Variants in PCGF5 observed in about 807,000 individuals in gnomAD.
PCGF5 encodes the protein polycomb group RING finger protein 5.
Under a neutral mutation model 44.3 loss-of-function variants are expected in PCGF5, and 9 were observed. That is an observed-to-expected ratio of 0.20 (90% confidence interval 0.12 to 0.35). The LOEUF (loss-of-function observed/expected upper bound fraction) is 0.35. PCGF5 is among the 10% of genes least tolerant of loss of function. The pLI, the probability that PCGF5 is intolerant of heterozygous loss-of-function variation, is 1.00. For synonymous variants in PCGF5, 95 were observed against 102.5 expected, an observed-to-expected ratio of 0.93 and a Z score of 0.44; for missense variants, 146 against 305.3, an observed-to-expected ratio of 0.48 and a Z score of 3.89.
At chr10:91,250,497 C>A (rs77068316) in intron 5 of PCGF5, among the ~76,000 whole-genome samples, 1 of 132,114 alleles carries the variant, frequency 7.6e-6, no homozygotes, top group Admixed American at 7.6e-5. Flanking sequence ...CTGGTTTTTT[C>A]TTTTTTTTTT....
At chr10:91,208,602 C>T (rs763661437) in intron 1 of PCGF5, among the ~76,000 whole-genome samples, 5 of 152,090 alleles carry the variant, frequency 3.3e-5, no homozygotes, top group Non-Finnish European at 7.4e-5. Context: ...GAAAAATTCA[C>T]CTCATTATCA....
At chr10:91,217,850 G>A (rs1055692821), upstream of PCGF5, among the ~76,000 whole-genome samples, 3 of 152,138 alleles carry the variant, frequency 2.0e-5, no homozygotes, top group East Asian at 1.9e-4. Flanking sequence ...GCAATGGCGC[G>A]ATCTTGGCTC....
Position 91,283,443 on chromosome 10 carries a change from T to G in PCGF5, c.*5127T>G, listed in dbSNP as rs1846500872. On this transcript the variant is annotated 3_prime_UTR_variant, in exon 10 of 10. Coordinates refer to ENST00000336126, the MANE Select transcript of PCGF5 (RefSeq NM_032373.5). ...ATGTTAAATACTGAGTCTAGTTTTC[T>G]TCCATCTTATGGAGCTTCATGGAAT... 1 of 152,226 alleles carries G rather than the reference T, an allele frequency of 6.6e-6. No homozygotes were observed. The highest frequency in any genetic ancestry group is 2.4e-5 in the African/African-American group (1 of 41,462). 9.4% of individuals were successfully genotyped at this position (152,226 alleles called of 1,614,324 possible). A position where few individuals can be genotyped will look rare whatever the true frequency, so the allele number is the denominator to read the frequency against.
intron 2 of PCGF5, among the ~76,000 whole-genome samples, chr10:91,233,907 AG>A (rs1845080278): frequency 6.6e-6 from 1 of 152,256 alleles, no homozygotes; most frequent in East Asian, 1.9e-4. Flanking sequence ...GCCTTTGGTC[AG>A]TTTTAATAAA....
At chr10:91,249,856 A>G (rs564387098) in intron 5 of PCGF5, among the ~76,000 whole-genome samples, 7 of 152,046 alleles carry the variant, frequency 4.6e-5, no homozygotes, top group Non-Finnish European at 7.4e-5. Context: ...CCACGTGTAC[A>G]CTGCAATTAA....
chr10:91,235,740 TAA>T (rs1845143246), intron 2 of PCGF5, among the ~76,000 whole-genome samples: 1 of 152,322 alleles, frequency 6.6e-6, no homozygotes, highest in South Asian at 2.1e-4. Flanking sequence ...CTGGTGGTTT[TAA>T]AAAGAGGAGT....
intron 8 of PCGF5, among the ~76,000 whole-genome samples, chr10:91,267,802 A>G (rs181983822): frequency 6.6e-6 from 1 of 152,316 alleles, no homozygotes; most frequent in East Asian, 1.9e-4. Flanking sequence ...AGATGCCAGG[A>G]TGTCTGAAGA....
chr10:91,227,672 C>T, intron 2 of PCGF5: 2 of 1,069,886 alleles, frequency 1.9e-6, no homozygotes, highest in Non-Finnish European at 2.3e-6. Context: ...TCACTCTTAA[C>T]CCACCCTAAA....
rs1006513887 is a variant in PCGF5, at chr10:91,186,558, ATG to A, written c.-184+23489_-184+23490del. ...TGTGTGTGTGTATATATATATATAT[ATG>A]TGTGTGTGTGTATATATATGTGTGT... On this transcript the variant is annotated intron_variant, in intron 1 of 9. Transcript: ENST00000614189. Among the ~76,000 whole-genome samples the A allele has an allele frequency of 2.3e-4, 22 of 97,372 alleles. 1 individual carries two copies. In the South Asian group the frequency reaches 4.3e-3, roughly 19 times the overall value. 63.9% of individuals were successfully genotyped at this position (97,372 alleles called of 152,430 possible).
chr10:91,201,359 C>T (rs1250410480), intron 1 of PCGF5, among the ~76,000 whole-genome samples: 1 of 152,114 alleles, frequency 6.6e-6, no homozygotes, highest in Admixed American at 6.5e-5. Flanking sequence ...CCCCCAGTGA[C>T]ATTACTAATC....
At chr10:91,196,409 C>G (rs888788977) in intron 1 of PCGF5, among the ~76,000 whole-genome samples, 1 of 152,142 alleles carries the variant, frequency 6.6e-6, no homozygotes, top group African/African-American at 2.4e-5. Context: ...ACACCCAAGC[C>G]CCACAGTATC....
intron 2 of PCGF5, among the ~76,000 whole-genome samples, chr10:91,232,303 T>C (rs1030209457): frequency 1.3e-5 from 2 of 152,178 alleles, no homozygotes; most frequent in African/African-American, 2.4e-5. Context: ...TTGGAAATTT[T>C]TTTATTTTCT....
At chr10:91,213,472 A>T (rs201280663) in intron 1 of PCGF5, among the ~76,000 whole-genome samples, 51 of 151,128 alleles carry the variant, frequency 3.4e-4, no homozygotes, top group African/African-American at 1.0e-3. Flanking sequence ...ATTAAAAAAA[A>T]TTTTTTTTTA....
chr10:91,176,365 T>G (rs1469802634), intron 1 of PCGF5, among the ~76,000 whole-genome samples: 1 of 152,252 alleles, frequency 6.6e-6, no homozygotes, highest in African/African-American at 2.4e-5. Context: ...ATTTCAAGTT[T>G]GGTGAATCTG....
Position 91,278,389 on chromosome 10 carries a change from C to A in PCGF5, c.*73C>A. ...ACTCGTCAACAGATTGCACAGTTAA[C>A]GGTGTGTGGACTAGAGGAACACAAC... On this transcript the variant is annotated 3_prime_UTR_variant, in exon 10 of 10. Transcript: ENST00000336126. 1 of 1,353,362 alleles carries A rather than the reference C, an allele frequency of 7.4e-7. No individual in the cohort carries two copies. Among genetic ancestry groups the A allele is most frequent in the Non-Finnish European group, 1.1e-6 (1 of 943,956 alleles). 83.8% of individuals were successfully genotyped at this position (1,353,362 alleles called of 1,614,324 possible). A position where few individuals can be genotyped will look rare whatever the true frequency, so the allele number is the denominator to read the frequency against.
rs1259956841 is a variant in PCGF5, at chr10:91,282,223, G to T, written c.*3907G>T. On this transcript the variant is annotated 3_prime_UTR_variant, in exon 10 of 10. Transcript: ENST00000336126. ...CTCTAGGCCGGGCACAGTGGCTCAT[G>T]CCTGTAATCCCAGCACTTTGGGAGG... is the stretch of plus-strand genomic sequence containing the variant. The T allele has an allele frequency of 6.6e-6, 1 of 152,186 alleles. No individual in the cohort carries two copies. The highest frequency in any genetic ancestry group is 1.5e-5 in the Non-Finnish European group (1 of 68,050). The allele number at this position is 152,186 out of a possible 1,614,324, so 9.4% of individuals were successfully genotyped here. A position where few individuals can be genotyped will look rare whatever the true frequency, so the allele number is the denominator to read the frequency against.
intron 1 of PCGF5, among the ~76,000 whole-genome samples, chr10:91,189,607 A>G (rs1476305078): frequency 6.6e-6 from 1 of 152,254 alleles, no homozygotes; most frequent in Non-Finnish European, 1.5e-5. Flanking sequence ...CCATATATAC[A>G]TACATATCTA....
At chr10:91,206,383 T>G (rs1055116811) in intron 1 of PCGF5, among the ~76,000 whole-genome samples, 6 of 152,220 alleles carry the variant, frequency 3.9e-5, no homozygotes, top group African/African-American at 1.4e-4. Flanking sequence ...CCACTTTTTT[T>G]TTAATCTCAA....
chr10:91,251,448 A>G lies in PCGF5; in HGVS notation c.474+8A>G, dbSNP rs760624545. ...GGGGACAATGTAGTAAAGGTGAGTGAACAAGTACTATGGTATTTTTATGAT... is the reference window on the plus strand; with the variant it reads ...GGGGACAATGTAGTAAAGGTGAGTGGACAAGTACTATGGTATTTTTATGAT... On this transcript the variant is annotated splice_region_variant and intron_variant, in intron 6 of 9. Coordinates refer to ENST00000336126, the MANE Select transcript of PCGF5 (RefSeq NM_032373.5). 3.1e-6 allele frequency: 5 copies of G among 1,608,432 alleles called. No homozygotes were observed. Among genetic ancestry groups the G allele is most frequent in the Non-Finnish European group, 4.3e-6 (5 of 1,176,412 alleles).
Sources: gnomAD v4.1 joint callset for allele counts (sites outside exome capture counted in the v4.1 genomes callset) on GRCh38, gnomAD v4.1.1 for gene constraint, MANE v1.5 for transcripts, NCBI Gene and HGNC (gene_info 2026-07-23, HGNC 2026-07-21) for gene names.